The following NALCN variants were observed in gnomAD, a reference collection of about 807,000 sequenced individuals.
NALCN encodes sodium leak channel, non-selective.
Under a neutral mutation model 225.3 loss-of-function variants are expected in NALCN, and 111 were observed. The observed-to-expected ratio is 0.49, with a 90% CI of 0.42 to 0.58. NALCN has a LOEUF of 0.58. Ranked by LOEUF, NALCN falls within the 20% of genes least tolerant of loss-of-function variation. NALCN has a pLI of 0.00. For synonymous variants in NALCN, 764 were observed against 769.0 expected (o/e 0.99, Z 0.11); for missense variants, 1,378 against 2,202.4 (o/e 0.63, Z 7.49).
chr13:101,205,499 C>A (rs142878136), intron 13 of NALCN, among the ~76,000 whole-genome samples: 31 of 152,138 alleles, frequency 2.0e-4, no homozygotes, highest in African/African-American at 7.2e-4. Context: ...ATCTTTCTTG[C>A]AGAGCATGGT....
At chr13:101,311,889 A>C (rs932254478) in intron 7 of NALCN, among the ~76,000 whole-genome samples, 31 of 152,006 alleles carry the variant, frequency 2.0e-4, no homozygotes, top group Non-Finnish European at 4.0e-4. Context: ...TGAGTTAGGG[A>C]GGATTCCCTC....
intron 37 of NALCN, among the ~76,000 whole-genome samples, chr13:101,069,080 T>A (rs2032652241): frequency 6.6e-6 from 1 of 152,208 alleles, no homozygotes; most frequent in African/African-American, 2.4e-5. Context: ...GAAAATGAAC[T>A]GATCTCCACT....
At chr13:101,142,853 G>T (rs143070309) in intron 17 of NALCN, 37 of 511,278 alleles carry the variant, frequency 7.2e-5, no homozygotes, top group Admixed American at 4.5e-4. Flanking sequence ...TTACAAAGTC[G>T]CATGGCTGCC....
At position 101,082,749 on chromosome 13, in the gene NALCN, G is replaced by T. The variant is rs1047232155; in HGVS notation, c.3765+60C>A. ...AGAGTAAGTGGCATCAAAGAGGGAG[G>T]CTGATTTACTTTAAAACTGTGCACA... On this transcript the variant is annotated intron_variant, in intron 33 of 43. Transcript: ENST00000251127. The T allele has an allele frequency of 1.6e-5, 24 of 1,544,722 alleles. No individual in the cohort carries two copies. In the Admixed American group the frequency reaches 4.0e-4, roughly 26 times the overall value.
chr13:101,353,512 G>T (rs9585677), intron 6 of NALCN, among the ~76,000 whole-genome samples: 6,083 of 152,238 alleles, frequency 0.04, 385 homozygotes, highest in African/African-American at 0.14. Flanking sequence ...GAAAGCAAGA[G>T]TCTTATTTGC....
rs778260708 is a variant in NALCN at position 101,181,098 on chromosome 13, T to C, written c.1765-4724A>G. 4 of 518,836 alleles carry C rather than the reference T, an allele frequency of 7.7e-6. No individual in the cohort carries two copies. In the Admixed American group the frequency reaches 7.8e-5, roughly 10 times the overall value. The allele number at this position is 518,836 out of a possible 1,614,324, so 32.1% of individuals were successfully genotyped here. On this transcript the variant is annotated intron_variant, in intron 14 of 43. Transcript: ENST00000251127. ...GGGGGCACTTTCCGAACACTACTTA[T>C]CGAAGATTGTGAGACAATGACAGAG...
At chr13:101,163,128 C>G (rs568593537) in intron 15 of NALCN, among the ~76,000 whole-genome samples, 4 of 152,130 alleles carry the variant, frequency 2.6e-5, no homozygotes, top group Non-Finnish European at 4.4e-5. Flanking sequence ...GTCTCAAACT[C>G]CTGACCACAG....
chr13:101,103,380 T>C lies in NALCN; in HGVS notation c.2890-41A>G, dbSNP rs751402805. 1.9e-6 allele frequency: 3 copies of C among 1,565,650 alleles called. No individual in the cohort carries two copies. The South Asian group carries it at 3.6e-5, about 19-fold the overall frequency. On this transcript the variant is annotated intron_variant, in intron 25 of 43. Transcript: ENST00000251127. ...TGATCTCTGGAATTTATACAATTCA[T>C]CCCCTACTATTTACATTTTCTGACA... is the stretch of plus-strand genomic sequence containing the variant.
intron 28 of NALCN, among the ~76,000 whole-genome samples, chr13:101,091,842 TC>T (rs1379658717): frequency 6.6e-6 from 1 of 152,174 alleles, no homozygotes; most frequent in Non-Finnish European, 1.5e-5. Flanking sequence ...ATGTTCTAGA[TC>T]TTCTAGAAGT....
chr13:101,060,107 C>G (rs572150863), intron 41 of NALCN, 140 bp from the exon 42 acceptor site: 13 of 967,276 alleles, frequency 1.3e-5, no homozygotes, highest in African/African-American at 1.3e-4. Flanking sequence ...AGTAAGGATC[C>G]TGAACTAATT....
At chr13:101,160,450 C>T (rs2038124562) in intron 15 of NALCN, among the ~76,000 whole-genome samples, 1 of 152,088 alleles carries the variant, frequency 6.6e-6, no homozygotes, top group Admixed American at 6.5e-5. Context: ...GGAACCAATA[C>T]TCCCTCAGGA....
At chr13:101,142,782 T>G (rs1163278030) in intron 17 of NALCN, 1 of 385,778 alleles carries the variant, frequency 2.6e-6, no homozygotes, top group African/African-American at 2.1e-5. Flanking sequence ...GACTGAGCCT[T>G]GGAGATCCCA....
At chr13:101,337,568 A>G (rs2045422179) in intron 7 of NALCN, among the ~76,000 whole-genome samples, 1 of 152,118 alleles carries the variant, frequency 6.6e-6, no homozygotes, top group Non-Finnish European at 1.5e-5. Context: ...TCAGCCTCCC[A>G]AAGTGCTTGG....
chr13:101,310,665 C>A (rs496903), intron 7 of NALCN, among the ~76,000 whole-genome samples: 89,761 of 151,862 alleles, frequency 0.59, 26,864 homozygotes, highest in East Asian at 0.78. Context: ...TAGAATTTGT[C>A]AACTCCATGA....
At chr13:101,357,166 AG>A (rs2046089310) in intron 6 of NALCN, among the ~76,000 whole-genome samples, 1 of 152,184 alleles carries the variant, frequency 6.6e-6, no homozygotes, top group African/African-American at 2.4e-5. Context: ...TATTCAACAT[AG>A]TATTGGATGT....
In NALCN at chr13:101,258,022, C is replaced by T. The variant is rs111650736; in HGVS notation, c.1266+421G>A. Among the ~76,000 whole-genome samples the T allele has an allele frequency of 4.8e-4, 73 of 152,238 alleles. 2 individuals carry two copies. Among genetic ancestry groups the T allele is most frequent in the African/African-American group, 1.7e-3 (70 of 41,546 alleles). On this transcript the variant is annotated intron_variant, in intron 11 of 43. Coordinates refer to ENST00000251127, the MANE Select transcript of NALCN (RefSeq NM_052867.4). ...TTTCTAGAGGAGTAATTTATCATTA[C>T]CATCTCTCTATATGTCCTTCCAGCC...
At chr13:101,367,017 G>A (rs1418964326) in intron 6 of NALCN, among the ~76,000 whole-genome samples, 1 of 152,038 alleles carries the variant, frequency 6.6e-6, no homozygotes, top group East Asian at 1.9e-4. Flanking sequence ...CCACATATGC[G>A]TGAGATCATG....
intron 3 of NALCN, among the ~76,000 whole-genome samples, chr13:101,379,002 C>T (rs1230483198): frequency 6.6e-6 from 1 of 151,928 alleles, no homozygotes; most frequent in Non-Finnish European, 1.5e-5. Context: ...CTACAAGAAC[C>T]AAGAGTGCAC....
intron 11 of NALCN, among the ~76,000 whole-genome samples, chr13:101,253,589 T>C (rs1367969228): frequency 6.6e-6 from 1 of 152,202 alleles, no homozygotes; most frequent in Non-Finnish European, 1.5e-5. Context: ...CCAAAAATCA[T>C]AGCTTTATTG....
Sources: allele counts gnomAD v4.1 joint callset (sites outside exome capture counted in the v4.1 genomes callset), GRCh38; gene constraint gnomAD v4.1.1; transcripts MANE v1.5; gene names NCBI Gene and HGNC (gene_info 2026-07-23, HGNC 2026-07-21).